The following NDFIP2 variants were observed in gnomAD, a reference collection of about 807,000 sequenced individuals.
NDFIP2 encodes NEDD4 family-interacting protein 2.
In NDFIP2, 19 loss-of-function variants were observed where a neutral mutation model predicts 36.0. That is an observed-to-expected ratio of 0.53 (90% confidence interval 0.37 to 0.77). The LOEUF is 0.77. NDFIP2 is among the 30% of genes least tolerant of loss of function. The pLI, the probability that NDFIP2 is intolerant of heterozygous loss-of-function variation, is 0.00. For missense variants in NDFIP2, 446 were observed against 435.8 expected (o/e 1.02, Z -0.21); for synonymous variants, 181 against 167.7 (o/e 1.08, Z -0.61).
chr13:79,552,632 C>T lies in NDFIP2; in HGVS notation c.*119C>T, dbSNP rs532025374. The T allele has an allele frequency of 1.3e-5, 2 of 151,880 alleles. No individual in the cohort carries two copies. The highest frequency in any genetic ancestry group is 1.9e-4 in the East Asian group (1 of 5,184). 9.4% of individuals were successfully genotyped at this position (151,880 alleles called of 1,614,324 possible). A position where few individuals can be genotyped will look rare whatever the true frequency, so the allele number is the denominator to read the frequency against. Reference sequence around the variant, plus strand: ...AGAAGACAAATTAGTGAAGAAAAGACGGAGTTTCGAAATTGAATGGCAGGG... The same window carrying T: ...AGAAGACAAATTAGTGAAGAAAAGATGGAGTTTCGAAATTGAATGGCAGGG... On this transcript the variant is annotated 3_prime_UTR_variant, in exon 8 of 8. Coordinates refer to ENST00000218652, the MANE Select transcript of NDFIP2 (RefSeq NM_019080.3).
intron 1 of NDFIP2, among the ~76,000 whole-genome samples, chr13:79,520,016 G>T (rs1252260338): frequency 6.6e-6 from 1 of 152,122 alleles, no homozygotes; most frequent in African/African-American, 2.4e-5. Flanking sequence ...GGCCAGGCTG[G>T]TCTCAAACTC....
rs1873513855 is a variant in NDFIP2 at position 79,498,021 on chromosome 13, A to G, written c.321+16497A>G. On this transcript the variant is annotated intron_variant, in intron 1 of 7. Coordinates refer to ENST00000218652, the MANE Select transcript of NDFIP2 (RefSeq NM_019080.3). ...GAGAAGTGGGTGGATGGATTCAAAGATGTGTGTGTATGCGTGTGTTTGAGT... is the reference window on the plus strand; with the variant it reads ...GAGAAGTGGGTGGATGGATTCAAAGGTGTGTGTGTATGCGTGTGTTTGAGT... Among the ~76,000 whole-genome samples the G allele has an allele frequency of 2.0e-5, 3 of 151,400 alleles. No individual in the cohort carries two copies. In the South Asian group the frequency reaches 6.3e-4, roughly 32 times the overall value.
At chr13:79,506,190 G>A (rs941023739) in intron 1 of NDFIP2, among the ~76,000 whole-genome samples, 3 of 152,040 alleles carry the variant, frequency 2.0e-5, no homozygotes, top group Non-Finnish European at 2.9e-5. Context: ...AAATACAGAA[G>A]AGTGAAAAAG....
At chr13:79,532,209 C>T (rs1256093367) in intron 2 of NDFIP2, among the ~76,000 whole-genome samples, 1 of 152,316 alleles carries the variant, frequency 6.6e-6, no homozygotes, top group East Asian at 1.9e-4. Context: ...AGCACATGCT[C>T]TTGGAAAAAT....
At chr13:79,497,299 C>T (rs1049459490) in intron 1 of NDFIP2, among the ~76,000 whole-genome samples, 2 of 151,900 alleles carry the variant, frequency 1.3e-5, no homozygotes, top group Non-Finnish European at 2.9e-5. Flanking sequence ...TAATGGTTTC[C>T]CCTTACTTTC....
intron 2 of NDFIP2, among the ~76,000 whole-genome samples, chr13:79,528,340 A>G (rs1355697662): frequency 2.0e-5 from 3 of 152,212 alleles, no homozygotes; most frequent in Non-Finnish European, 4.4e-5. Flanking sequence ...TGTACACTGT[A>G]CAATGTGTTT....
chr13:79,487,250 A>T (rs1006663851), intron 1 of NDFIP2, among the ~76,000 whole-genome samples: 2 of 152,058 alleles, frequency 1.3e-5, no homozygotes, highest in Non-Finnish European at 2.9e-5. Context: ...CAAATTACCT[A>T]GTTTTGCCTA....
At chr13:79,497,660 G>GTTTTTTTTTTTTTTTTTTTT (rs1282594237) in intron 1 of NDFIP2, among the ~76,000 whole-genome samples, 2 of 126,734 alleles carry the variant, frequency 1.6e-5, no homozygotes, top group Non-Finnish European at 3.5e-5. Flanking sequence ...AGATTTCTGA[G>GTTTTTTTTTTTTTTTTTTTT]TTTTTTTTTT....
At chr13:79,543,797 A>G in intron 5 of NDFIP2, 115 bp downstream of exon 5, 1 of 1,308,682 alleles carries the variant, frequency 7.6e-7, no homozygotes, top group South Asian at 1.5e-5. Context: ...TTCAAGGCTT[A>G]TTCTTAAATC....
chr13:79,502,881 T>C (rs546311430), intron 1 of NDFIP2, among the ~76,000 whole-genome samples: 1 of 147,644 alleles, frequency 6.8e-6, no homozygotes, highest in South Asian at 2.1e-4. Flanking sequence ...TATTTTTAGC[T>C]GGGGGGAGGT....
At chr13:79,497,310 T>C (rs1383801141) in intron 1 of NDFIP2, among the ~76,000 whole-genome samples, 5 of 152,036 alleles carry the variant, frequency 3.3e-5, no homozygotes, top group Non-Finnish European at 7.4e-5. Flanking sequence ...CCTTACTTTC[T>C]AGTTTGCATG....
In NDFIP2 at chr13:79,551,108, C is replaced by G; in HGVS notation, c.999C>G (p.Phe333Leu). ...CAGCTGCTCATAGAACAAGGTATTT[C>G]TTCTTATTGTAGAGGTAAGAAATAT... ...SMAAAHRTRY[F>L]FLL The change falls in exon 7 of 8, where the codon TTC (phenylalanine) becomes TTG (leucine). Residue 333 changes from phenylalanine (F) to leucine (L), a missense_variant. Physicochemically the swap from Phe to Leu is conservative, Grantham distance 22. Around this residue, in one of 2 missense-constraint regions of NDFIP2, gnomAD observed 77 missense variants for 131.0 expected, o/e 0.59. Transcript: ENST00000218652. 1.3e-6 allele frequency: 2 copies of G among 1,592,658 alleles called. No homozygotes were observed. The highest frequency in any genetic ancestry group is 1.7e-6 in the Non-Finnish European group (2 of 1,166,968).
chr13:79,506,671 A>G (rs1424991845), intron 1 of NDFIP2, among the ~76,000 whole-genome samples: 2 of 152,124 alleles, frequency 1.3e-5, no homozygotes, highest in East Asian at 3.9e-4. Flanking sequence ...ATATAAGTAT[A>G]AAGAGACAAG....
chr13:79,519,643 C>G (rs1007250998), intron 1 of NDFIP2, among the ~76,000 whole-genome samples: 1 of 152,176 alleles, frequency 6.6e-6, no homozygotes, highest in Non-Finnish European at 1.5e-5. Flanking sequence ...CCTAGGATCT[C>G]CTAGGTTGTT....
At chr13:79,491,113 A>G (rs755380178) in intron 1 of NDFIP2, among the ~76,000 whole-genome samples, 1 of 151,728 alleles carries the variant, frequency 6.6e-6, no homozygotes, top group African/African-American at 2.4e-5. Context: ...TTTATTTCCT[A>G]CCTCCCTTCT....
intron 7 of NDFIP2, 31 bp downstream of exon 7, chr13:79,551,153 A>T (rs376204236): frequency 2.7e-5 from 37 of 1,390,246 alleles, no homozygotes; most frequent in Non-Finnish European, 3.5e-5. Flanking sequence ...AACTCTGCCT[A>T]TTCCCTTTAT....
chr13:79,548,530 GT>G, intron 6 of NDFIP2, 136 bp downstream of exon 6: 2 of 702,140 alleles, frequency 2.8e-6, no homozygotes, highest in Non-Finnish European at 4.8e-6. Context: ...ATCATCTCAC[GT>G]TTTTAAACTA....
intron 1 of NDFIP2, among the ~76,000 whole-genome samples, chr13:79,482,169 C>CTTTTTTTTTTTTTTTTTTTTTTTTTTT (rs10558361): frequency 1.3e-5 from 1 of 75,886 alleles, no homozygotes; most frequent in Admixed American, 1.5e-4. Flanking sequence ...TTCTTTCTTT[C>CTTTTTTTTTTTTTTTTTTTTTTTTTTT]TTTTTTTTTT....
intron 1 of NDFIP2, among the ~76,000 whole-genome samples, chr13:79,520,243 C>T (rs987576984): frequency 2.0e-5 from 3 of 152,180 alleles, no homozygotes; most frequent in African/African-American, 7.2e-5. Context: ...TCAGGAGGCT[C>T]ATAAGTAGGA....
Sources: gnomAD v4.1 joint callset for allele counts (sites outside exome capture counted in the v4.1 genomes callset) on GRCh38, gnomAD v4.1.1 for gene constraint, gnomAD v4.1.1 regional missense constraint, MANE v1.5 for transcripts, NCBI Gene and HGNC (gene_info 2026-07-23, HGNC 2026-07-21) for gene names.